The following PCDHAC1 variants were observed in gnomAD, a reference collection of about 807,000 sequenced individuals.
The protein encoded by PCDHAC1 is protocadherin alpha-C1.
A neutral mutation model predicts 60.0 loss-of-function variants in PCDHAC1; 42 were observed. The observed-to-expected ratio is 0.70, with a 90% confidence interval of 0.55 to 0.90. The LOEUF is 0.90. PCDHAC1 is among the 40% of genes least tolerant of loss of function. The probability of loss-of-function intolerance (pLI) is 0.00; values close to 1 mark genes in which losing one functional copy is unlikely to be tolerated. For synonymous variants in PCDHAC1, 468 were observed against 499.3 expected, an observed-to-expected ratio of 0.94 and a Z score of 0.84; for missense variants, 1,160 against 1,222.3, an observed-to-expected ratio of 0.95 and a Z score of 0.76.
chr5:140,980,575 A>C (rs901433332), intron 2 of PCDHAC1, among the ~76,000 whole-genome samples: 3 of 152,296 alleles, frequency 2.0e-5, no homozygotes, highest in Admixed American at 1.3e-4. Context: ...AGTTGCAGTG[A>C]GCCAAGATCG....
chr5:140,958,035 T>G (rs1284725890), intron 1 of PCDHAC1, among the ~76,000 whole-genome samples: 2 of 152,120 alleles, frequency 1.3e-5, no homozygotes, highest in African/African-American at 4.8e-5. Context: ...ATGCTTTCTT[T>G]GCTTGTGATA....
chr5:140,928,981 G>A lies in PCDHAC1; in HGVS notation c.2089G>A (p.Gly697Arg). 6.2e-7 allele frequency: 1 copy of A among 1,613,802 alleles called. No individual in the cohort carries two copies. Among genetic ancestry groups the A allele is most frequent in the Non-Finnish European group, 8.5e-7 (1 of 1,179,888 alleles). The change falls in exon 1 of 4, where the codon GGG (glycine) becomes AGG (arginine). Residue 697 changes from glycine to arginine, a missense_variant. Around this residue, in one of 3 missense-constraint regions of PCDHAC1, gnomAD observed 1,113 missense variants for 1,163.7 expected, o/e 0.96. Transcript: ENST00000253807. ...GGCTTGTATTTCCTTTTTATTTCTG[G>A]GGTGCTTACTTTTCTTCGTGTGTAC... ...ALACISFLFL[G>R]CLLFFVCTKL... is the part of the protein sequence containing the mutation.
intron 2 of PCDHAC1, among the ~76,000 whole-genome samples, chr5:140,980,115 G>A (rs1263722649): frequency 6.6e-6 from 1 of 152,142 alleles, no homozygotes; most frequent in African/African-American, 2.4e-5. Flanking sequence ...ATTGGAACCT[G>A]GGTCATAATT....
At chr5:140,931,035 C>A (rs2153606811) in intron 1 of PCDHAC1, among the ~76,000 whole-genome samples, 1 of 152,250 alleles carries the variant, frequency 6.6e-6, no homozygotes, top group Non-Finnish European at 1.5e-5. Context: ...GTAGAGCTAG[C>A]AAGAAAAACT....
chr5:140,929,549 T>G, intron 1 of PCDHAC1: 1 of 500,966 alleles, frequency 2.0e-6, no homozygotes, highest in Non-Finnish European at 3.3e-6. Context: ...GGGCAAAAAT[T>G]AAAACCTATT....
intron 3 of PCDHAC1, among the ~76,000 whole-genome samples, chr5:140,994,353 C>T (rs1321687113): frequency 6.6e-6 from 1 of 152,110 alleles, no homozygotes; most frequent in East Asian, 1.9e-4. Flanking sequence ...TGTGGGACCT[C>T]AGAAGATGGA....
At chr5:140,951,751 C>T (rs1206749897) in intron 1 of PCDHAC1, among the ~76,000 whole-genome samples, 2 of 152,112 alleles carry the variant, frequency 1.3e-5, no homozygotes, top group Non-Finnish European at 2.9e-5. Flanking sequence ...CCTCACCCTC[C>T]GCGAAATCTC....
chr5:140,970,687 CT>C (rs1464659851), intron 1 of PCDHAC1, among the ~76,000 whole-genome samples: 1 of 152,078 alleles, frequency 6.6e-6, no homozygotes, highest in Non-Finnish European at 1.5e-5. Flanking sequence ...GTAGAAAGGG[CT>C]TTTAGAGCTA....
At chr5:140,978,763 A>G (rs932766044) in intron 1 of PCDHAC1, among the ~76,000 whole-genome samples, 186 bp from the exon 2 acceptor site, 11 of 152,258 alleles carry the variant, frequency 7.2e-5, no homozygotes, top group Non-Finnish European at 1.3e-4. Flanking sequence ...GAGGACCCTG[A>G]TGAACTAATT....
chr5:140,974,553 C>G (rs1554236197), intron 1 of PCDHAC1, among the ~76,000 whole-genome samples: 1 of 151,870 alleles, frequency 6.6e-6, no homozygotes, highest in African/African-American at 2.4e-5. Context: ...CTCTTGTTGC[C>G]CAGGCTGGAG....
At chr5:140,952,654 G>T (rs541888180) in intron 1 of PCDHAC1, among the ~76,000 whole-genome samples, 4 of 152,270 alleles carry the variant, frequency 2.6e-5, no homozygotes, top group African/African-American at 9.6e-5. Context: ...TGGTTACCCA[G>T]TTCCAAAGTC....
At chr5:140,990,341 C>A (rs2097389083) in intron 3 of PCDHAC1, among the ~76,000 whole-genome samples, 1 of 152,110 alleles carries the variant, frequency 6.6e-6, no homozygotes, top group South Asian at 2.1e-4. Flanking sequence ...ATAAGTAAAG[C>A]CTGCCCTGTA....
chr5:140,966,260 A>C, intron 1 of PCDHAC1: 1 of 339,990 alleles, frequency 2.9e-6, no homozygotes, highest in Admixed American at 4.8e-5. Context: ...GACGGTGGAG[A>C]CTGGATGAAC....
intron 3 of PCDHAC1, among the ~76,000 whole-genome samples, chr5:140,993,462 T>TCA (rs3836747): frequency 0.1 from 14,588 of 140,880 alleles, 728 homozygotes; most frequent in Middle Eastern, 0.17. Context: ...TCTTTCTTTC[T>TCA]CACACACACA....
intron 1 of PCDHAC1, chr5:140,968,973 C>T (rs1404110882): frequency 4.3e-6 from 7 of 1,614,076 alleles, no homozygotes; most frequent in African/African-American, 2.7e-5. Flanking sequence ...CGCTACACTG[C>T]GTATGGCACT....
intron 1 of PCDHAC1, 34 bp from the exon 2 acceptor site, chr5:140,978,915 A>G: frequency 6.2e-7 from 1 of 1,613,970 alleles, no homozygotes; most frequent in Non-Finnish European, 8.5e-7. Context: ...TTGTCTTGTC[A>G]TTTTAACAGA....
chr5:140,943,493 T>C (rs2093505211), intron 1 of PCDHAC1, among the ~76,000 whole-genome samples: 1 of 152,118 alleles, frequency 6.6e-6, no homozygotes, highest in Non-Finnish European at 1.5e-5. Context: ...AAATAGATGC[T>C]ATCAAGGTTC....
intron 1 of PCDHAC1, among the ~76,000 whole-genome samples, chr5:140,939,048 A>T (rs931079281): frequency 1.3e-5 from 2 of 152,180 alleles, no homozygotes; most frequent in Admixed American, 6.5e-5. Flanking sequence ...GTCTTAGTCC[A>T]TTTGGGCTGC....
chr5:141,003,574 A>C (rs559561339), intron 3 of PCDHAC1, among the ~76,000 whole-genome samples: 9 of 151,680 alleles, frequency 5.9e-5, no homozygotes, highest in African/African-American at 2.2e-4. Context: ...CAGACTCCCA[A>C]AGTGCTGGGA....
Sources: gnomAD v4.1 joint callset for allele counts (sites outside exome capture counted in the v4.1 genomes callset) on GRCh38, gnomAD v4.1.1 for gene constraint, gnomAD v4.1.1 regional missense constraint, MANE v1.5 for transcripts, NCBI Gene and HGNC (gene_info 2026-07-23, HGNC 2026-07-21) for gene names.